Variants in MSRA observed in about 807,000 individuals in gnomAD.
The protein encoded by MSRA is methionine sulfoxide reductase A.
Under a neutral mutation model 31.3 loss-of-function variants are expected in MSRA, and 54 were observed. The observed-to-expected ratio is 1.73, with a 90% CI of 1.39 to 2.17. The LOEUF (loss-of-function observed/expected upper bound fraction) is 2.17. Ranked by LOEUF, MSRA falls within the 30% of genes most tolerant of loss-of-function variation. The pLI is 0.00. For synonymous variants in MSRA, 169 were observed against 116.5 expected (o/e 1.45, Z -2.90); for missense variants, 507 against 300.9 (o/e 1.69, Z -5.07).
chr8:10,424,200 G>T (rs1023262882), intron 5 of MSRA, among the ~76,000 whole-genome samples: 1 of 152,238 alleles, frequency 6.6e-6, no homozygotes, highest in Non-Finnish European at 1.5e-5. Flanking sequence ...ATTCCTTGGA[G>T]ATCGTGTGCA....
intron 3 of MSRA, among the ~76,000 whole-genome samples, chr8:10,273,811 C>G (rs1454349349): frequency 6.6e-6 from 1 of 152,116 alleles, no homozygotes; most frequent in Non-Finnish European, 1.5e-5. Context: ...CCAATTACTT[C>G]AAGCAGAACC....
At chr8:10,085,456 C>T (rs1444884433) in intron 1 of MSRA, among the ~76,000 whole-genome samples, 1 of 152,192 alleles carries the variant, frequency 6.6e-6, no homozygotes, top group South Asian at 2.1e-4. Flanking sequence ...TGGATCTGTC[C>T]TGTTTCTGCA....
intron 1 of MSRA, among the ~76,000 whole-genome samples, chr8:10,110,496 CAA>C (rs1334176721): frequency 6.6e-6 from 1 of 152,164 alleles, no homozygotes; most frequent in Non-Finnish European, 1.5e-5. Flanking sequence ...ACAGTGCAAA[CAA>C]GACCACCGCT....
intron 5 of MSRA, among the ~76,000 whole-genome samples, chr8:10,371,039 C>T (rs957862274): frequency 2.0e-5 from 3 of 152,168 alleles, no homozygotes; most frequent in Non-Finnish European, 2.9e-5. Context: ...TAGGCACATC[C>T]GAATCCCCTG....
chr8:10,148,423 G>C (rs1342755019), intron 1 of MSRA, among the ~76,000 whole-genome samples: 3 of 151,980 alleles, frequency 2.0e-5, no homozygotes, highest in Non-Finnish European at 4.4e-5. Context: ...GAGGCAGGCA[G>C]ATCACTTGAG....
At chr8:10,420,727 A>G (rs998058901) in intron 5 of MSRA, among the ~76,000 whole-genome samples, 1 of 151,970 alleles carries the variant, frequency 6.6e-6, no homozygotes, top group South Asian at 2.1e-4. Context: ...CACATATGCT[A>G]TCGGGGAACA....
chr8:10,129,848 G>T (rs887340616), intron 1 of MSRA, among the ~76,000 whole-genome samples: 1 of 30,064 alleles, frequency 3.3e-5, no homozygotes, highest in Non-Finnish European at 8.4e-5. Context: ...TTGACATTCA[G>T]CAAATAGTTC....
chr8:10,230,401 C>G (rs935759132), intron 2 of MSRA, among the ~76,000 whole-genome samples: 3 of 152,134 alleles, frequency 2.0e-5, no homozygotes, highest in Non-Finnish European at 2.9e-5. Context: ...TGCACACAGT[C>G]AGGAGGGTGG....
Position 10,054,635 on chromosome 8 carries a change from G to T in MSRA, c.119G>T (p.Arg40Leu), listed in dbSNP as rs1270177719. ...AGCCCCCAGGAGGCCTTGCCGGGCC[G>T]GAAGGAACAGACCCCTGTAGCGGGT... ...IVSPQEALPG[R>L]KEQTPVAAKH... Residue 40 changes from arginine (R) to leucine (L), a missense_variant, in exon 1 of 6, where the codon CGG becomes CTG. Arg to Leu is a moderately radical substitution (Grantham distance 102). Coordinates refer to ENST00000317173, the MANE Select transcript of MSRA (RefSeq NM_012331.5). 2 of 1,575,814 alleles carry T rather than the reference G, an allele frequency of 1.3e-6. No homozygotes were observed. Among genetic ancestry groups the T allele is most frequent in the East Asian group, 5.0e-5 (2 of 39,610 alleles).
intron 1 of MSRA, among the ~76,000 whole-genome samples, chr8:10,199,935 A>C (rs537745243): frequency 1.7e-4 from 26 of 152,262 alleles, no homozygotes; most frequent in Admixed American, 1.1e-3. Context: ...ACATGAGCCA[A>C]AGGACCCGCC....
At chr8:10,261,293 A>T (rs981345195) in intron 3 of MSRA, among the ~76,000 whole-genome samples, 19 of 152,064 alleles carry the variant, frequency 1.2e-4, no homozygotes, top group Non-Finnish European at 2.5e-4. Context: ...AAAATTAATC[A>T]CGTAATCTTT....
intron 2 of MSRA, among the ~76,000 whole-genome samples, chr8:10,224,500 A>G (rs1810821016): frequency 6.6e-6 from 1 of 151,550 alleles, no homozygotes; most frequent in African/African-American, 2.4e-5. Flanking sequence ...CAGAAGAAAA[A>G]AAAAGACCAA....
intron 4 of MSRA, among the ~76,000 whole-genome samples, chr8:10,311,883 C>T (rs764996358): frequency 1.4e-4 from 22 of 152,258 alleles, no homozygotes; most frequent in Non-Finnish European, 1.5e-4. Flanking sequence ...TGCCACTGCA[C>T]ACCAGCCTGG....
intron 3 of MSRA, among the ~76,000 whole-genome samples, chr8:10,274,520 G>C (rs1349195083): frequency 1.3e-5 from 2 of 152,176 alleles, no homozygotes; most frequent in Admixed American, 1.3e-4. Context: ...GCAGAAGTGG[G>C]TGATTCCCAA....
intron 5 of MSRA, among the ~76,000 whole-genome samples, chr8:10,360,005 A>G (rs139893237): frequency 5.4e-4 from 82 of 152,154 alleles, no homozygotes; most frequent in African/African-American, 1.9e-3. Flanking sequence ...TGTTATTTCT[A>G]TCTGCTCAAT....
At chr8:10,071,496 A>G (rs1264200832) in intron 1 of MSRA, among the ~76,000 whole-genome samples, 3 of 150,640 alleles carry the variant, frequency 2.0e-5, no homozygotes, top group South Asian at 2.1e-4. Flanking sequence ...TACAGAGTAA[A>G]AGTTTTTAAT....
chr8:10,403,974 G>C (rs1807630795), intron 5 of MSRA, among the ~76,000 whole-genome samples: 1 of 152,204 alleles, frequency 6.6e-6, no homozygotes, highest in Non-Finnish European at 1.5e-5. Context: ...AGATGACAAT[G>C]ACGTAATTAA....
intron 2 of MSRA, among the ~76,000 whole-genome samples, chr8:10,210,519 G>A (rs184379115): frequency 3.9e-5 from 6 of 152,290 alleles, no homozygotes; most frequent in Non-Finnish European, 8.8e-5. Flanking sequence ...AGTAGCCTTT[G>A]CTGGGAGAAT....
intron 5 of MSRA, among the ~76,000 whole-genome samples, chr8:10,380,498 T>C (rs546951790): frequency 7.2e-4 from 109 of 152,340 alleles, no homozygotes; most frequent in African/African-American, 2.0e-3. Context: ...GAAATGCTGA[T>C]GGTGTGGCCT....
Sources: allele counts gnomAD v4.1 joint callset (sites outside exome capture counted in the v4.1 genomes callset), GRCh38; gene constraint gnomAD v4.1.1; transcripts MANE v1.5; gene names NCBI Gene and HGNC (gene_info 2026-07-23, HGNC 2026-07-21).